The following NXN variants were observed in gnomAD, a reference collection of about 807,000 sequenced individuals.
NXN encodes the protein nucleoredoxin.
NXN carries 16 observed loss-of-function variants against 48.6 expected under a neutral mutation model. The ratio of observed to expected loss-of-function variants is 0.33; its 90% confidence interval spans 0.22 to 0.50. The LOEUF is 0.50. Among genes scored for constraint, NXN ranks in the 20% least tolerant of loss-of-function variants. The pLI is 0.98. For synonymous variants in NXN, 281 were observed against 269.6 expected, an observed-to-expected ratio of 1.04 and a Z score of -0.41; for missense variants, 492 against 605.5, an observed-to-expected ratio of 0.81 and a Z score of 1.97.
intron 1 of NXN, among the ~76,000 whole-genome samples, chr17:976,924 G>C (rs1481898839): frequency 2.0e-5 from 3 of 152,040 alleles, no homozygotes; most frequent in Non-Finnish European, 2.9e-5. Flanking sequence ...GCGCCACCAG[G>C]TCTGGCTAAT....
At chr17:886,621 A>G (rs1052449267) in intron 1 of NXN, among the ~76,000 whole-genome samples, 1 of 152,120 alleles carries the variant, frequency 6.6e-6, no homozygotes, top group Non-Finnish European at 1.5e-5. Context: ...TACTAAAAAT[A>G]CAAAAAATTA....
chr17:909,728 A>T (rs1261323924), intron 1 of NXN: 1 of 150,522 alleles, frequency 6.6e-6, no homozygotes, highest in Non-Finnish European at 1.5e-5. Context: ...TTTAGTAGAG[A>T]CGGCTTTCAC....
intron 1 of NXN, among the ~76,000 whole-genome samples, chr17:847,391 G>A (rs2067875845): frequency 6.6e-6 from 1 of 152,042 alleles, no homozygotes; most frequent in African/African-American, 2.4e-5. Context: ...AATGATGTGA[G>A]AAACTCCCAG....
chr17:811,629 C>T (rs954214735), intron 5 of NXN, among the ~76,000 whole-genome samples: 2 of 152,152 alleles, frequency 1.3e-5, no homozygotes, highest in Non-Finnish European at 2.9e-5. Context: ...CACAGCCCGG[C>T]TCAGCCCAGG....
intron 5 of NXN, among the ~76,000 whole-genome samples, chr17:812,118 G>A (rs62067085): frequency 0.18 from 27,170 of 149,774 alleles, 2,704 homozygotes; most frequent in East Asian, 0.3. Context: ...TAATAGAGAC[G>A]GGGTTTCACC....
intron 5 of NXN, among the ~76,000 whole-genome samples, chr17:808,180 T>C (rs1160981683): frequency 6.6e-6 from 1 of 152,160 alleles, no homozygotes; most frequent in Non-Finnish European, 1.5e-5. Context: ...CCTGCAGCTT[T>C]CTGCACCACC....
chr17:967,738 G>A (rs891874441), intron 1 of NXN, among the ~76,000 whole-genome samples: 2 of 152,182 alleles, frequency 1.3e-5, no homozygotes, highest in East Asian at 1.9e-4. Context: ...TTGGGAGGCC[G>A]AGGCAGGTGG....
chr17:872,379 GGAGA>G (rs149925384), intron 1 of NXN, among the ~76,000 whole-genome samples: 2,237 of 149,230 alleles, frequency 0.015, 54 homozygotes, highest in African/African-American at 0.051. Flanking sequence ...AGACAAGGAG[GGAGA>G]GAGAGAGAGA....
intron 1 of NXN, among the ~76,000 whole-genome samples, chr17:826,290 CGAG>C (rs1370951686): frequency 6.7e-6 from 1 of 150,162 alleles, no homozygotes; most frequent in Non-Finnish European, 1.5e-5. Context: ...CGGGGGGCTC[CGAG>C]GAGGGAGGTG....
In NXN at chr17:805,212, C is replaced by T. The variant is rs762001064; in HGVS notation, c.856G>A (p.Glu286Lys). ...PTLIMLDPQG[E>K]VITRQGRVEV... ...ACCCGCCCCTGCCGCGTGATCACCT[C>T]GCCCTGCGGGTCCAGCATGATGAGC... The change falls in exon 6 of 8, where the codon GAG (glutamate) becomes AAG (lysine). Residue 286 changes from glutamate to lysine, a missense_variant. Coordinates refer to ENST00000336868, the MANE Select transcript of NXN (RefSeq NM_022463.5). 15 of 1,611,786 alleles carry T rather than the reference C, an allele frequency of 9.3e-6. No individual in the cohort carries two copies. Among genetic ancestry groups the T allele is most frequent in the Non-Finnish European group, 1.3e-5 (15 of 1,179,544 alleles).
intron 5 of NXN, among the ~76,000 whole-genome samples, chr17:809,240 T>A (rs1911768611): frequency 6.6e-6 from 1 of 152,220 alleles, no homozygotes; most frequent in South Asian, 2.1e-4. Flanking sequence ...ACACGGACTC[T>A]AAGTTCCTAG....
intron 1 of NXN, 25 bp downstream of exon 1, chr17:979,294 G>GGCCGGCGAGGCCCGC: frequency 1.4e-6 from 2 of 1,467,916 alleles, no homozygotes; most frequent in South Asian, 2.4e-5. Context: ...GGCGGGCAGG[G>GGCCGGCGAGGCCCGC]GCCGGCGAGG....
At chr17:966,905 C>G (rs1180136374) in intron 1 of NXN, among the ~76,000 whole-genome samples, 1 of 151,992 alleles carries the variant, frequency 6.6e-6, no homozygotes, top group African/African-American at 2.4e-5. Flanking sequence ...CTCCAAGGAC[C>G]AGGGGACTCT....
At position 962,271 on chromosome 17, in the gene NXN, T is replaced by C. The variant is rs148648953; in HGVS notation, c.360+17048A>G. Among the ~76,000 whole-genome samples, 811 of 152,266 alleles carry C rather than the reference T, an allele frequency of 5.3e-3. 6 individuals carry two copies. The highest frequency in any genetic ancestry group is 0.018 in the African/African-American group (764 of 41,552). ...CATTCCTGAGACACTGCAGGTGAAT[T>C]TTCCTAAGCAGAGGCAATCACAGGT... On this transcript the variant is annotated intron_variant, in intron 1 of 7. Coordinates refer to ENST00000336868, the MANE Select transcript of NXN (RefSeq NM_022463.5).
At chr17:854,725 G>A (rs889788932) in intron 1 of NXN, among the ~76,000 whole-genome samples, 22 of 150,786 alleles carry the variant, frequency 1.5e-4, no homozygotes, top group African/African-American at 4.2e-4. Flanking sequence ...TTGGGAGGCC[G>A]AGGAAGATGG....
chr17:873,697 A>G (rs779947314), intron 1 of NXN, among the ~76,000 whole-genome samples: 1 of 152,140 alleles, frequency 6.6e-6, no homozygotes, highest in African/African-American at 2.4e-5. Context: ...AATAATGATA[A>G]TATCAATGGG....
At chr17:878,461 G>C (rs1386444002) in intron 1 of NXN, among the ~76,000 whole-genome samples, 5 of 108,022 alleles carry the variant, frequency 4.6e-5, no homozygotes, top group Non-Finnish European at 7.7e-5. Context: ...CGGGGGTGGG[G>C]GGACCTTGAA....
chr17:965,799 G>A (rs371075601), intron 1 of NXN, among the ~76,000 whole-genome samples: 4 of 152,206 alleles, frequency 2.6e-5, no homozygotes, highest in East Asian at 1.9e-4. Flanking sequence ...CCAGCTACTC[G>A]GGAGGCCGAG....
chr17:820,793 C>T lies in NXN; in HGVS notation c.714-1248G>A, dbSNP rs1273013641. The stretch of plus-strand genomic sequence containing the variant: ...ACAAAAATTAGCCGGGTGTGGTGGC[C>T]GGCGCCTGTAGTCCCAGCTACTCAG... On this transcript the variant is annotated intron_variant, in intron 4 of 7. Coordinates refer to ENST00000336868, the MANE Select transcript of NXN (RefSeq NM_022463.5). 9.5e-5 allele frequency among the ~76,000 whole-genome samples: 6 copies of T among 63,394 alleles called. 3 individuals are homozygous for T. Among genetic ancestry groups the T allele is most frequent in the African/African-American group, 6.1e-4 (6 of 9,882 alleles). 41.6% of individuals were successfully genotyped at this position (63,394 alleles called of 152,430 possible).
Sources: gnomAD v4.1 joint callset for allele counts (sites outside exome capture counted in the v4.1 genomes callset) on GRCh38, gnomAD v4.1.1 for gene constraint, MANE v1.5 for transcripts, NCBI Gene and HGNC (gene_info 2026-07-23, HGNC 2026-07-21) for gene names.